EML4: variants seen among roughly 807,000 people sequenced by gnomAD.
EML4 encodes echinoderm microtubule-associated protein-like 4.
A neutral mutation model predicts 129.0 loss-of-function variants in EML4; 72 were observed. That is an observed-to-expected ratio of 0.56 (90% CI 0.46 to 0.68). EML4 has a LOEUF of 0.68. EML4 is among the 30% of genes least tolerant of loss of function. The pLI, the probability that EML4 is intolerant of heterozygous loss-of-function variation, is 0.00. For synonymous variants in EML4, 532 were observed against 405.0 expected (o/e 1.31, Z -3.77); for missense variants, 1,363 against 1,190.6 (o/e 1.14, Z -2.13).
At chr2:42,206,981 G>C (rs979199886) in intron 1 of EML4, among the ~76,000 whole-genome samples, 10 of 152,062 alleles carry the variant, frequency 6.6e-5, no homozygotes, top group African/African-American at 2.4e-4. Context: ...TTGCATATTG[G>C]CAGTTTTATA....
Position 42,301,101 on chromosome 2 carries a change from T to A in EML4, c.1490-140T>A, listed in dbSNP as rs1054120095. ...TTACTACCTGCTTTGCACAAAAGAC[T>A]TGCTGAAAATAGGTTTTTGATTGAG... On this transcript the variant is annotated intron_variant, in intron 13 of 22. Transcript: ENST00000318522. 12 of 642,872 alleles carry A rather than the reference T, an allele frequency of 1.9e-5. No homozygotes were observed. In the African/African-American group the frequency reaches 1.9e-4, roughly 10 times the overall value. The allele number at this position is 642,872 out of a possible 1,614,324, so 39.8% of individuals were successfully genotyped here. A position where few individuals can be genotyped will look rare whatever the true frequency, so the allele number is the denominator to read the frequency against.
chr2:42,182,937 A>G (rs1671032873), intron 1 of EML4, among the ~76,000 whole-genome samples: 1 of 152,012 alleles, frequency 6.6e-6, no homozygotes, highest in African/African-American at 2.4e-5. Context: ...CTCTTCTTAT[A>G]AGGATACCAG....
rs570123603 is a variant in EML4, at chr2:42,316,553, T to C, written c.2056+503T>C. On this transcript the variant is annotated intron_variant, in intron 18 of 22. Coordinates refer to ENST00000318522, the MANE Select transcript of EML4 (RefSeq NM_019063.5). Reference sequence around the variant, plus strand: ...AGCAATTCTCTATAAGAATTTGATATATTCCTTTAGCCTGCTTGAGAATAA... The same window carrying C: ...AGCAATTCTCTATAAGAATTTGATACATTCCTTTAGCCTGCTTGAGAATAA... Among the ~76,000 whole-genome samples, 4 of 152,368 alleles carry C rather than the reference T, an allele frequency of 2.6e-5. No individual in the cohort carries two copies. In the South Asian group the frequency reaches 8.3e-4, roughly 32 times the overall value.
intron 3 of EML4, among the ~76,000 whole-genome samples, chr2:42,257,029 T>C (rs1318760602): frequency 1.3e-5 from 2 of 152,198 alleles, no homozygotes. Flanking sequence ...TAGTGGGAGG[T>C]CAAATGCTAT....
chr2:42,286,391 T>C lies in EML4; in HGVS notation c.1122+12T>C, dbSNP rs1667309309. On this transcript the variant is annotated intron_variant, in intron 10 of 22. Coordinates refer to ENST00000318522, the MANE Select transcript of EML4 (RefSeq NM_019063.5). ...ATTTTTCAAAAGCAGTAAGTAACAATTTTTAGAGAAGTAAGCAAGCTGAAC... is the reference window on the plus strand; with the variant it reads ...ATTTTTCAAAAGCAGTAAGTAACAACTTTTAGAGAAGTAAGCAAGCTGAAC... The C allele has an allele frequency of 6.6e-7, 1 of 1,510,020 alleles. No homozygotes were observed. Among genetic ancestry groups the C allele is most frequent in the Non-Finnish European group, 9.2e-7 (1 of 1,085,116 alleles). The allele number at this position is 1,510,020 out of a possible 1,614,324, so 93.5% of individuals were successfully genotyped here.
intron 13 of EML4, among the ~76,000 whole-genome samples, chr2:42,300,113 G>T (rs1386722961): frequency 6.6e-6 from 1 of 152,174 alleles, no homozygotes; most frequent in African/African-American, 2.4e-5. Flanking sequence ...CTATTCATCA[G>T]TTGAGGAACA....
intron 2 of EML4, among the ~76,000 whole-genome samples, chr2:42,256,017 C>G (rs957704532): frequency 3.9e-5 from 6 of 152,184 alleles, no homozygotes; most frequent in African/African-American, 1.4e-4. Flanking sequence ...TTATTCCACT[C>G]CTTGTATATG....
intron 13 of EML4, among the ~76,000 whole-genome samples, chr2:42,300,507 A>AT (rs1668222527): frequency 6.6e-6 from 1 of 152,194 alleles, no homozygotes; most frequent in African/African-American, 2.4e-5. Context: ...CTGGGCTGTT[A>AT]TTTAGCCATC....
intron 17 of EML4, among the ~76,000 whole-genome samples, chr2:42,313,524 T>C (rs1299454731): frequency 6.6e-6 from 1 of 151,648 alleles, no homozygotes; most frequent in Non-Finnish European, 1.5e-5. Flanking sequence ...ACCACTAAGC[T>C]TTAAAAAAAA....
At chr2:42,319,026 T>A (rs7579355) in intron 19 of EML4, among the ~76,000 whole-genome samples, 32,422 of 151,148 alleles carry the variant, frequency 0.21, 5,304 homozygotes, top group African/African-American at 0.46. Flanking sequence ...CAACCTTTTT[T>A]AAAAAAAAAG....
chr2:42,241,968 T>G (rs1390354127), intron 1 of EML4, among the ~76,000 whole-genome samples: 2 of 152,320 alleles, frequency 1.3e-5, no homozygotes, highest in East Asian at 3.9e-4. Context: ...GAAAAATTGT[T>G]CTTGTGTCTC....
chr2:42,218,483 A>C (rs1162680114), intron 1 of EML4, among the ~76,000 whole-genome samples: 8 of 152,136 alleles, frequency 5.3e-5, no homozygotes, highest in Non-Finnish European at 2.9e-5. Context: ...CTTCCACGAA[A>C]CCTGTCCCTG....
At chr2:42,263,352 T>G (rs1242380986) in intron 5 of EML4, 46 bp downstream of exon 5, 1 of 1,553,538 alleles carries the variant, frequency 6.4e-7, no homozygotes, top group Non-Finnish European at 8.8e-7. Flanking sequence ...TAATAATTAT[T>G]TGGCTATTAT....
At chr2:42,212,957 A>G (rs1037972210) in intron 1 of EML4, among the ~76,000 whole-genome samples, 1 of 152,116 alleles carries the variant, frequency 6.6e-6, no homozygotes, top group African/African-American at 2.4e-5. Context: ...TTGCATTCTC[A>G]TTTGGCTTAT....
chr2:42,328,140 A>G (rs1669910228), intron 21 of EML4, among the ~76,000 whole-genome samples: 1 of 152,254 alleles, frequency 6.6e-6, no homozygotes, highest in African/African-American at 2.4e-5. Flanking sequence ...GACCAATTTT[A>G]AAGTATTTTG....
intron 1 of EML4, among the ~76,000 whole-genome samples, chr2:42,184,156 T>A (rs1034801480): frequency 1.3e-5 from 2 of 152,198 alleles, no homozygotes; most frequent in East Asian, 3.8e-4. Flanking sequence ...ACCATTGATA[T>A]GGTTTTTATC....
At chr2:42,304,313 A>G (rs768845409) in intron 16 of EML4, among the ~76,000 whole-genome samples, 171 bp from the exon 17 acceptor site, 1 of 152,086 alleles carries the variant, frequency 6.6e-6, no homozygotes, top group Non-Finnish European at 1.5e-5. Context: ...TATCCCCTTC[A>G]TGCTCTGAAA....
chr2:42,185,461 GAA>G (rs1332308793), intron 1 of EML4, among the ~76,000 whole-genome samples: 1 of 152,120 alleles, frequency 6.6e-6, no homozygotes, highest in African/African-American at 2.4e-5. Flanking sequence ...GTTTTTCATA[GAA>G]AAAAGTTTTC....
At chr2:42,172,744 G>C (rs1178080506) in intron 1 of EML4, among the ~76,000 whole-genome samples, 1 of 151,838 alleles carries the variant, frequency 6.6e-6, no homozygotes, top group East Asian at 1.9e-4. Flanking sequence ...TGTGCAAAAT[G>C]TATATACTGT....
Sources: gnomAD v4.1 joint callset for allele counts (sites outside exome capture counted in the v4.1 genomes callset) on GRCh38, gnomAD v4.1.1 for gene constraint, MANE v1.5 for transcripts, NCBI Gene and HGNC (gene_info 2026-07-23, HGNC 2026-07-21) for gene names.